The following ABAT variants were observed in gnomAD, a reference collection of about 807,000 sequenced individuals.
The protein encoded by ABAT is 4-aminobutyrate aminotransferase, also known as 4-aminobutyrate aminotransferase, mitochondrial.
ABAT carries 45 observed loss-of-function variants against 64.6 expected under a neutral mutation model. The observed-to-expected ratio is 0.70, with a 90% CI of 0.55 to 0.89. The LOEUF is 0.89. ABAT is among the 40% of genes least tolerant of loss of function. ABAT has a pLI of 0.00. For synonymous variants in ABAT, 297 were observed against 250.5 expected (o/e 1.19, Z -1.75); for missense variants, 633 against 658.4 (o/e 0.96, Z 0.42).
intron 2 of ABAT, among the ~76,000 whole-genome samples, chr16:8,738,610 G>GTTTT (rs1481834240): frequency 1.1e-4 from 14 of 122,072 alleles, no homozygotes; most frequent in African/African-American, 2.9e-4. Flanking sequence ...TTTTGTTTTT[G>GTTTT]TTTTTGTTTT....
rs74008041 is a variant in ABAT, at chr16:8,740,540, C to A, written c.70+4731C>A. On this transcript the variant is annotated intron_variant, in intron 2 of 15. Coordinates refer to ENST00000268251, the MANE Select transcript of ABAT (RefSeq NM_020686.6). ...AGCCGCTTACAATGTGGCAACTGCT[C>A]CCTCAAAGCAAGAGAGGGTGCCAAA... Among the ~76,000 whole-genome samples, 988 of 152,282 alleles carry A rather than the reference C, an allele frequency of 6.5e-3. 11 individuals carry two copies. Among genetic ancestry groups the A allele is most frequent in the African/African-American group, 0.022 (900 of 41,558 alleles).
At chr16:8,777,041 G>A (rs1480788791) in intron 14 of ABAT, among the ~76,000 whole-genome samples, 4 of 152,064 alleles carry the variant, frequency 2.6e-5, no homozygotes, top group African/African-American at 9.7e-5. Flanking sequence ...TGGGATTACG[G>A]GCATGTGCCG....
At chr16:8,707,132 G>T (rs1344595844) in intron 1 of ABAT, among the ~76,000 whole-genome samples, 3 of 152,182 alleles carry the variant, frequency 2.0e-5, no homozygotes, top group Non-Finnish European at 4.4e-5. Context: ...GCTGGAAGAT[G>T]ACTCTCTCCC....
chr16:8,740,311 C>T (rs141570286), intron 2 of ABAT, among the ~76,000 whole-genome samples: 1 of 152,170 alleles, frequency 6.6e-6, no homozygotes, highest in Non-Finnish European at 1.5e-5. Flanking sequence ...CCAGGGGTGA[C>T]TTAGCCAGAT....
chr16:8,735,997 A>G (rs1329551268), intron 2 of ABAT, 188 bp downstream of exon 2: 3 of 599,842 alleles, frequency 5.0e-6, no homozygotes, highest in African/African-American at 3.7e-5. Flanking sequence ...TATTTTATGA[A>G]GAAAAAGAGG....
At chr16:8,773,147 C>CACACACACACACAT (rs1239743158) in intron 12 of ABAT, among the ~76,000 whole-genome samples, 236 of 98,402 alleles carry the variant, frequency 2.4e-3, no homozygotes, top group African/African-American at 9.7e-3. Context: ...CACACACACA[C>CACACACACACACAT]ATATATATAT....
intron 1 of ABAT, among the ~76,000 whole-genome samples, chr16:8,685,630 T>C (rs1382331581): frequency 6.6e-6 from 1 of 151,828 alleles, no homozygotes; most frequent in Non-Finnish European, 1.5e-5. Flanking sequence ...GAGCCAAGAT[T>C]ACGCCACTGC....
At chr16:8,721,158 C>A (rs149940802) in intron 1 of ABAT, among the ~76,000 whole-genome samples, 1 of 151,768 alleles carries the variant, frequency 6.6e-6, no homozygotes, top group Non-Finnish European at 1.5e-5. Context: ...AGTGAGAGGC[C>A]AGGGATGTCT....
chr16:8,695,848 G>C (rs2057689598), intron 1 of ABAT, among the ~76,000 whole-genome samples: 1 of 152,210 alleles, frequency 6.6e-6, no homozygotes, highest in South Asian at 2.1e-4. Flanking sequence ...GCCAGTTCTT[G>C]GGGCAGAGCA....
intron 10 of ABAT, among the ~76,000 whole-genome samples, chr16:8,768,569 G>C (rs578109728): frequency 1.3e-5 from 2 of 152,234 alleles, no homozygotes; most frequent in South Asian, 2.1e-4. Context: ...TTAAGGGTTC[G>C]AGAGTCCCCC....
chr16:8,715,376 G>C (rs2058184509), intron 1 of ABAT: 2 of 152,108 alleles, frequency 1.3e-5, no homozygotes, highest in South Asian at 2.1e-4. Flanking sequence ...CCAGTGCTTT[G>C]GGAGTCCGAG....
At chr16:8,765,058 G>A (rs1157900933) in intron 8 of ABAT, among the ~76,000 whole-genome samples, 4 of 152,232 alleles carry the variant, frequency 2.6e-5, no homozygotes, top group Non-Finnish European at 4.4e-5. Context: ...GGGGCTGGGC[G>A]CAGTCGTTCA....
chr16:8,773,245 A>G (rs2060174110), intron 12 of ABAT, among the ~76,000 whole-genome samples: 1 of 151,694 alleles, frequency 6.6e-6, no homozygotes, highest in Non-Finnish European at 1.5e-5. Context: ...CCTACCTCCC[A>G]GGTTCAAGTG....
intron 10 of ABAT, among the ~76,000 whole-genome samples, 175 bp from the exon 11 acceptor site, chr16:8,768,650 C>T (rs1355231538): frequency 1.3e-5 from 2 of 152,198 alleles, no homozygotes; most frequent in Non-Finnish European, 2.9e-5. Context: ...TATACACCTC[C>T]TATGCACCCA....
chr16:8,766,436 C>T (rs1172665510), intron 9 of ABAT, among the ~76,000 whole-genome samples, 166 bp downstream of exon 9: 4 of 152,176 alleles, frequency 2.6e-5, no homozygotes, highest in South Asian at 4.1e-4. Flanking sequence ...AGGCGGATCA[C>T]CCAAGGTCAG....
At position 8,782,509 on chromosome 16, in the gene ABAT, G is replaced by A. The variant is rs886847869; in HGVS notation, c.*1079G>A. ...GATTTCTTCTGGAGGGAAGCACCATGAATTAAAGGTGCCAGAGCTCCATGC... is the reference window on the plus strand; with the variant it reads ...GATTTCTTCTGGAGGGAAGCACCATAAATTAAAGGTGCCAGAGCTCCATGC... On this transcript the variant is annotated 3_prime_UTR_variant, in exon 16 of 16. Transcript: ENST00000268251. 6.6e-6 allele frequency: 1 copy of A among 152,264 alleles called. No individual in the cohort carries two copies. The highest frequency in any genetic ancestry group is 6.5e-5 in the Admixed American group (1 of 15,286). The allele number at this position is 152,264 out of a possible 1,614,324, so 9.4% of individuals were successfully genotyped here.
intron 1 of ABAT, among the ~76,000 whole-genome samples, chr16:8,681,867 T>A (rs368260150): frequency 6.6e-6 from 1 of 151,216 alleles, no homozygotes; most frequent in Non-Finnish European, 1.5e-5. Context: ...GTCTTGAACT[T>A]GTGACCTCAG....
chr16:8,695,420 C>G (rs1223968239), intron 1 of ABAT, among the ~76,000 whole-genome samples: 1 of 152,170 alleles, frequency 6.6e-6, no homozygotes, highest in African/African-American at 2.4e-5. Context: ...GCAGAATCAC[C>G]CCTAAGCACT....
intron 1 of ABAT, among the ~76,000 whole-genome samples, chr16:8,734,810 A>G (rs370766928): frequency 1.1e-4 from 16 of 152,180 alleles, no homozygotes; most frequent in African/African-American, 3.9e-4. Flanking sequence ...GGAGGCACAC[A>G]AAACACATTT....
Sources: gnomAD v4.1 joint callset for allele counts (sites outside exome capture counted in the v4.1 genomes callset) on GRCh38, gnomAD v4.1.1 for gene constraint, MANE v1.5 for transcripts, NCBI Gene and HGNC (gene_info 2026-07-23, HGNC 2026-07-21) for gene names.